The following LDLRAD4 variants were observed in gnomAD, a reference collection of about 807,000 sequenced individuals.
The protein encoded by LDLRAD4 is low density lipoprotein receptor class A domain containing 4, also known as low-density lipoprotein receptor class A domain-containing protein 4.
In LDLRAD4, 5 loss-of-function variants were observed where a neutral mutation model predicts 17.0. That is an observed-to-expected ratio of 0.29 (90% CI 0.15 to 0.62). The LOEUF (loss-of-function observed/expected upper bound fraction) is 0.62, where lower values mean the gene tolerates loss of function less well. LDLRAD4 is among the 20% of genes least tolerant of loss of function. The pLI is 0.84. For missense variants in LDLRAD4, 340 were observed against 424.7 expected, an observed-to-expected ratio of 0.80 and a Z score of 1.75; for synonymous variants, 168 against 171.8, an observed-to-expected ratio of 0.98 and a Z score of 0.17.
At chr18:13,647,676 A>C (rs545741718) in exon 6 of LDLRAD4, 156 of 152,422 alleles carry the variant, frequency 1.0e-3, no homozygotes, top group African/African-American at 3.7e-3. Flanking sequence ...CATTACATTC[A>C]TCCTTTGCAC....
chr18:13,445,174 G>A (rs139810845), intron 3 of LDLRAD4, among the ~76,000 whole-genome samples: 3 of 152,344 alleles, frequency 2.0e-5, no homozygotes, highest in African/African-American at 7.2e-5. Context: ...GACCAGTCCT[G>A]CCAAGCACAG....
intron 3 of LDLRAD4, among the ~76,000 whole-genome samples, chr18:13,535,024 G>A (rs1427179068): frequency 1.3e-5 from 2 of 152,140 alleles, no homozygotes; most frequent in African/African-American, 4.8e-5. Context: ...CTGTTGTACT[G>A]CTGAGTAGTG....
intron 1 of LDLRAD4, among the ~76,000 whole-genome samples, chr18:13,270,592 G>T (rs998287238): frequency 6.6e-6 from 1 of 152,184 alleles, no homozygotes; most frequent in African/African-American, 2.4e-5. Context: ...GACTTTATTT[G>T]CAAAGTTTAT....
chr18:13,337,854 A>T (rs1454049253), intron 1 of LDLRAD4, among the ~76,000 whole-genome samples: 1 of 152,052 alleles, frequency 6.6e-6, no homozygotes, highest in Non-Finnish European at 1.5e-5. Flanking sequence ...GCACGAGGCC[A>T]TCTCTAAAAA....
chr18:13,438,474 G>C (rs1282420780), intron 3 of LDLRAD4, 90 bp downstream of exon 4: 2 of 1,020,378 alleles, frequency 2.0e-6, no homozygotes, highest in Non-Finnish European at 3.0e-6. Flanking sequence ...GAAGGAGGTT[G>C]TTTTCTGGTT....
intron 3 of LDLRAD4, among the ~76,000 whole-genome samples, chr18:13,567,082 C>T (rs1327882438): frequency 2.0e-5 from 3 of 152,200 alleles, no homozygotes; most frequent in Non-Finnish European, 4.4e-5. Context: ...TGCACGCAGA[C>T]TTGTTCCCGT....
At chr18:13,467,789 G>A (rs1253479798) in intron 3 of LDLRAD4, among the ~76,000 whole-genome samples, 1 of 152,224 alleles carries the variant, frequency 6.6e-6, no homozygotes, top group Non-Finnish European at 1.5e-5. Flanking sequence ...CAGGATAGAT[G>A]CATAGACCTA....
At chr18:13,464,496 C>G (rs2092549309) in intron 3 of LDLRAD4, among the ~76,000 whole-genome samples, 1 of 152,190 alleles carries the variant, frequency 6.6e-6, no homozygotes, top group Non-Finnish European at 1.5e-5. Context: ...TATTAAATAT[C>G]TGGTTATACC....
intron 1 of LDLRAD4, among the ~76,000 whole-genome samples, chr18:13,332,215 C>T (rs2081898707): frequency 6.6e-6 from 1 of 152,192 alleles, no homozygotes. Flanking sequence ...GTGAGCAAAA[C>T]ACAAAACATT....
intron 1 of LDLRAD4, among the ~76,000 whole-genome samples, chr18:13,369,069 C>T (rs766985364): frequency 1.3e-5 from 2 of 152,158 alleles, no homozygotes; most frequent in African/African-American, 2.4e-5. Context: ...GTGAGCTGGA[C>T]GTCAGGCTAT....
chr18:13,275,936 C>T (rs1482394799), upstream of LDLRAD4, among the ~76,000 whole-genome samples: 2 of 152,198 alleles, frequency 1.3e-5, no homozygotes, highest in East Asian at 1.9e-4. Context: ...CTCTAATGTA[C>T]AGATGTGTAT....
At chr18:13,556,658 A>C (rs903812396) in intron 3 of LDLRAD4, among the ~76,000 whole-genome samples, 23 of 152,240 alleles carry the variant, frequency 1.5e-4, no homozygotes, top group African/African-American at 4.8e-4. Flanking sequence ...TTTGAGGGAA[A>C]GGGAGTGTCC....
At chr18:13,614,699 T>C (rs1304862745) in intron 3 of LDLRAD4, 3 of 152,234 alleles carry the variant, frequency 2.0e-5, no homozygotes, top group Non-Finnish European at 2.9e-5. Context: ...TTGAGGCAAT[T>C]ATAGTCTAAG....
At chr18:13,416,055 C>T (rs1027892104) in intron 2 of LDLRAD4, among the ~76,000 whole-genome samples, 6 of 152,220 alleles carry the variant, frequency 3.9e-5, no homozygotes, top group Non-Finnish European at 8.8e-5. Context: ...TGAGGGCAGG[C>T]TGACCAGACC....
rs146241675 is a variant in LDLRAD4 at position 13,484,619 on chromosome 18, G to A, written c.181+46235G>A. Among the ~76,000 whole-genome samples, 8 of 152,194 alleles carry A rather than the reference G, an allele frequency of 5.3e-5. No homozygotes were observed. In the East Asian group the frequency reaches 1.5e-3, roughly 29 times the overall value. Reference sequence around the variant, plus strand: ...CCAGCCTGGGTGACAGTGAAACCCTGTCTCAAAAAACAAGACCAACGAATC... The same window carrying A: ...CCAGCCTGGGTGACAGTGAAACCCTATCTCAAAAAACAAGACCAACGAATC... On this transcript the variant is annotated intron_variant, in intron 3 of 5. Coordinates refer to ENST00000359446, the Ensembl canonical transcript of LDLRAD4.
chr18:13,259,323 C>A (rs945766724), intron 1 of LDLRAD4, among the ~76,000 whole-genome samples: 1 of 152,152 alleles, frequency 6.6e-6, no homozygotes, highest in African/African-American at 2.4e-5. Context: ...TACAGACACA[C>A]ACCACCATGC....
chr18:13,635,535 G>A (rs533585312), intron 4 of LDLRAD4, among the ~76,000 whole-genome samples: 439 of 152,336 alleles, frequency 2.9e-3, no homozygotes, highest in Non-Finnish European at 5.1e-3. Context: ...TCATTTGGAA[G>A]ATCCGGTGAT....
At chr18:13,371,025 A>G (rs546863827) in intron 1 of LDLRAD4, among the ~76,000 whole-genome samples, 1 of 152,140 alleles carries the variant, frequency 6.6e-6, no homozygotes, top group South Asian at 2.1e-4. Flanking sequence ...ATGTTTCTCA[A>G]TTCCTACCTT....
rs747717376 is a variant in LDLRAD4 at position 13,645,412 on chromosome 18, G to A, written c.676G>A (p.Gly226Arg). Reference sequence around the variant, plus strand: ...TTTAATAGACATTGCTATGTATAGCGGGGGTCCATGCCCACCCAGCAGCAA... The same window carrying A: ...TTTAATAGACATTGCTATGTATAGCAGGGGTCCATGCCCACCCAGCAGCAA... The change falls in exon 6 of 6, where the codon GGG becomes AGG. Residue 226 changes from glycine (G) to arginine (R), a missense_variant. Coordinates refer to ENST00000359446, the Ensembl canonical transcript of LDLRAD4. The surrounding 1 kb of genome is among the most constrained non-coding windows in gnomAD (Gnocchi z 5.7). The A allele has an allele frequency of 3.8e-5, 61 of 1,614,128 alleles. No homozygotes were observed. Among genetic ancestry groups the A allele is most frequent in the South Asian group, 3.1e-4 (28 of 91,078 alleles).
Sources: allele counts gnomAD v4.1 joint callset (sites outside exome capture counted in the v4.1 genomes callset), GRCh38; gene constraint gnomAD v4.1.1; non-coding constraint Gnocchi (gnomAD v3.1); transcripts MANE v1.5; gene names NCBI Gene and HGNC (gene_info 2026-07-23, HGNC 2026-07-21).